Variants in KCNG3 observed in about 807,000 individuals in gnomAD.
KCNG3 encodes the protein potassium voltage-gated channel modifier subfamily G member 3, also known as voltage-gated potassium channel regulatory subunit KCNG3.
Under a neutral mutation model 29.0 loss-of-function variants are expected in KCNG3, and 15 were observed. The observed-to-expected ratio is 0.52, with a 90% CI of 0.35 to 0.80. The LOEUF is 0.80. KCNG3 is among the 30% of genes least tolerant of loss of function. KCNG3 has a pLI of 0.01. For synonymous variants in KCNG3, 322 were observed against 248.9 expected, an observed-to-expected ratio of 1.29 and a Z score of -2.76; for missense variants, 512 against 605.7, an observed-to-expected ratio of 0.85 and a Z score of 1.62.
the KCNG3 span, among the ~76,000 whole-genome samples, chr2:42,435,862 C>G: frequency 6.6e-6 from 1 of 152,194 alleles, no homozygotes; most frequent in Non-Finnish European, 1.5e-5. Context: ...ACATTAGCAT[C>G]TAACCTGGCA....
chr2:42,476,103 T>A lies in KCNG3; in HGVS notation c.665+16734A>T, dbSNP rs947470288. 3.3e-5 allele frequency among the ~76,000 whole-genome samples: 5 copies of A among 152,274 alleles called. No individual in the cohort carries two copies. In the South Asian group the frequency reaches 6.2e-4, roughly 19 times the overall value. ...TAATTAATAAAACATTAAAATTCTA[T>A]TGAAACTTTTTAAATAAAGTAAGTA... On this transcript the variant is annotated intron_variant, in intron 1 of 1. Transcript: ENST00000306078.
chr2:42,470,428 T>G lies in KCNG3; in HGVS notation c.665+22409A>C, dbSNP rs1673258517. Among the ~76,000 whole-genome samples, 5 of 152,282 alleles carry G rather than the reference T, an allele frequency of 3.3e-5. No homozygotes were observed. The South Asian group carries it at 1.0e-3, about 32-fold the overall frequency. ...AGCTCACGCCTGTACTCCAGACACT[T>G]CGAGGTCCGTACAGGAGGAATGCAG... On this transcript the variant is annotated intron_variant, in intron 1 of 1. Transcript: ENST00000306078.
intron 1 of KCNG3, 115 bp downstream of exon 1, chr2:42,492,722 G>T: frequency 1.1e-6 from 1 of 935,856 alleles, no homozygotes; most frequent in Non-Finnish European, 1.4e-6. Context: ...CTCGCTGGGC[G>T]CGCACCCCGC....
the KCNG3 span, among the ~76,000 whole-genome samples, chr2:42,407,177 C>CTTTT: frequency 7.5e-6 from 1 of 133,148 alleles, no homozygotes; most frequent in Non-Finnish European, 1.6e-5. Context: ...TCTGCTTGAT[C>CTTTT]TTTTTTTTTT....
chr2:42,457,429 A>C (rs1672902324), intron 1 of KCNG3, among the ~76,000 whole-genome samples: 2 of 151,940 alleles, frequency 1.3e-5, no homozygotes, highest in South Asian at 4.2e-4. Flanking sequence ...GGGGAGGTTG[A>C]AGCTGAAGTG....
the KCNG3 span, among the ~76,000 whole-genome samples, chr2:42,430,592 A>C: frequency 1.3e-5 from 2 of 151,868 alleles, no homozygotes; most frequent in Non-Finnish European, 2.9e-5. Context: ...CTGTACAAAA[A>C]TGTTAAAAAT....
rs1673971612 is a variant in KCNG3 at position 42,493,510 on chromosome 2, G to C, written c.-9C>G. The C allele has an allele frequency of 7.3e-7, 1 of 1,361,060 alleles. No homozygotes were observed. The allele number at this position is 1,361,060 out of a possible 1,614,324, so 84.3% of individuals were successfully genotyped here. Reference sequence around the variant, plus strand: ...CTGCGCCCGAAGGTCATGGCTGGCCGCCCGGGGGACTTTCGGCCCGAGGGC... The same window carrying C: ...CTGCGCCCGAAGGTCATGGCTGGCCCCCCGGGGGACTTTCGGCCCGAGGGC... On this transcript the variant is annotated 5_prime_UTR_variant, in exon 1 of 2. Coordinates refer to ENST00000306078, the MANE Select transcript of KCNG3 (RefSeq NM_133329.6).
At chr2:42,406,713 G>C in the KCNG3 span, among the ~76,000 whole-genome samples, 2 of 151,280 alleles carry the variant, frequency 1.3e-5, no homozygotes, top group Non-Finnish European at 2.9e-5. Context: ...TGTAATCCCA[G>C]ATACTTGGGG....
the KCNG3 span, among the ~76,000 whole-genome samples, chr2:42,406,523 T>G: frequency 2.0e-5 from 3 of 148,352 alleles, no homozygotes; most frequent in Non-Finnish European, 3.0e-5. Flanking sequence ...CCAGGCCTAA[T>G]GCATTATTAA....
At chr2:42,453,772 A>G (rs1165282335) in intron 1 of KCNG3, among the ~76,000 whole-genome samples, 1 of 152,148 alleles carries the variant, frequency 6.6e-6, no homozygotes, top group Non-Finnish European at 1.5e-5. Context: ...ACTGCTCAAG[A>G]AATCTTTGCC....
chr2:42,473,365 T>C (rs542845790), intron 1 of KCNG3, among the ~76,000 whole-genome samples: 4 of 152,038 alleles, frequency 2.6e-5, no homozygotes, highest in Non-Finnish European at 4.4e-5. Flanking sequence ...TTTGTTTGTT[T>C]TTTTGAGACA....
At chr2:42,458,333 C>T (rs781341305) in intron 1 of KCNG3, among the ~76,000 whole-genome samples, 4 of 152,302 alleles carry the variant, frequency 2.6e-5, no homozygotes, top group East Asian at 1.9e-4. Context: ...CAGGAACATG[C>T]GCCCTTGCCT....
chr2:42,420,208 G>C, the KCNG3 span, among the ~76,000 whole-genome samples: 1 of 152,028 alleles, frequency 6.6e-6, no homozygotes, highest in African/African-American at 2.4e-5. Context: ...TGGGTGACGA[G>C]TGAAAAGAGC....
At chr2:42,399,230 T>A in the KCNG3 span, among the ~76,000 whole-genome samples, 1 of 151,932 alleles carries the variant, frequency 6.6e-6, no homozygotes, top group African/African-American at 2.4e-5. Flanking sequence ...CTAATTTTTG[T>A]GCCTTTTATA....
At chr2:42,459,005 C>T (rs901185983) in intron 1 of KCNG3, among the ~76,000 whole-genome samples, 9 of 151,842 alleles carry the variant, frequency 5.9e-5, no homozygotes, top group Middle Eastern at 3.2e-3. Flanking sequence ...AAGACGAGTC[C>T]GACCAACATG....
intron 1 of KCNG3, chr2:42,463,869 G>C (rs1673079994): frequency 1.1e-5 from 3 of 279,818 alleles, no homozygotes; most frequent in East Asian, 1.2e-4. Flanking sequence ...GCTGAGCCTA[G>C]TTTGTAAATT....
intron 1 of KCNG3, among the ~76,000 whole-genome samples, chr2:42,478,629 A>G (rs1673501402): frequency 6.6e-6 from 1 of 152,112 alleles, no homozygotes; most frequent in African/African-American, 2.4e-5. Context: ...CTCAAATGAC[A>G]TAACCTCAGA....
intron 1 of KCNG3, among the ~76,000 whole-genome samples, chr2:42,469,615 T>C (rs187085677): frequency 1.3e-5 from 2 of 152,134 alleles, no homozygotes; most frequent in African/African-American, 2.4e-5. Flanking sequence ...AAGACTCAAT[T>C]TGAAATGTAA....
the KCNG3 span, among the ~76,000 whole-genome samples, chr2:42,392,273 T>C: frequency 6.6e-6 from 1 of 152,092 alleles, no homozygotes; most frequent in Non-Finnish European, 1.5e-5. Flanking sequence ...CACATCTCCC[T>C]GCCCTGCCAG....
Sources: gnomAD v4.1 joint callset for allele counts (sites outside exome capture counted in the v4.1 genomes callset) on GRCh38, gnomAD v4.1.1 for gene constraint, MANE v1.5 for transcripts, NCBI Gene and HGNC (gene_info 2026-07-23, HGNC 2026-07-21) for gene names.